The following PTPRS variants were observed in gnomAD, a reference collection of about 807,000 sequenced individuals.
PTPRS encodes protein tyrosine phosphatase receptor type S.
Under a neutral mutation model 215.3 loss-of-function variants are expected in PTPRS, and 63 were observed. The ratio of observed to expected loss-of-function variants is 0.29; its 90% CI spans 0.24 to 0.36. The LOEUF is 0.36. Ranked by LOEUF, PTPRS falls within the 10% of genes least tolerant of loss-of-function variation. The pLI, the probability that PTPRS is intolerant of heterozygous loss-of-function variation, is 1.00. For synonymous variants in PTPRS, 1,404 were observed against 1,191.4 expected (o/e 1.18, Z -3.68); for missense variants, 2,258 against 2,825.8 (o/e 0.80, Z 4.56).
chr19:5,222,379 C>CCTGCCCTGTCCTGGCCCGGCA (rs1568402371), intron 18 of PTPRS, among the ~76,000 whole-genome samples, 159 bp from the exon 19 acceptor site: 1 of 151,624 alleles, frequency 6.6e-6, no homozygotes, highest in African/African-American at 2.4e-5. Flanking sequence ...CTGGCCCGGC[C>CCTGCCCTGTCCTGGCCCGGCA]CTGCCCTGTC....
At chr19:5,273,689 T>C (rs879885396) in intron 3 of PTPRS, 106 bp from the exon 4 acceptor site, 3 of 1,348,092 alleles carry the variant, frequency 2.2e-6, no homozygotes, top group African/African-American at 1.4e-5. Flanking sequence ...GTCAGCCCCA[T>C]GATCCTGGGG....
chr19:5,229,008 G>A (rs1373844769), intron 16 of PTPRS, among the ~76,000 whole-genome samples: 3 of 152,228 alleles, frequency 2.0e-5, no homozygotes, highest in African/African-American at 7.2e-5. Context: ...GGACCCAGGA[G>A]GCTTAAGCCC....
intron 1 of PTPRS, among the ~76,000 whole-genome samples, chr19:5,299,871 G>GAAATA (rs1276102300): frequency 6.6e-6 from 1 of 151,408 alleles, no homozygotes; most frequent in East Asian, 1.9e-4. Flanking sequence ...ACTCTGCTTC[G>GAAATA]AAATAAAATA....
At chr19:5,313,348 G>A (rs2049769346) in intron 1 of PTPRS, among the ~76,000 whole-genome samples, 1 of 152,258 alleles carries the variant, frequency 6.6e-6, no homozygotes, top group African/African-American at 2.4e-5. Context: ...TACCCAGGAG[G>A]AGATGGTGAG....
intron 4 of PTPRS, among the ~76,000 whole-genome samples, chr19:5,267,153 T>C (rs971765111): frequency 6.6e-6 from 1 of 151,622 alleles, no homozygotes; most frequent in Non-Finnish European, 1.5e-5. Context: ...TCGGTATCCC[T>C]CTTGGGTGGT....
At position 5,220,062 on chromosome 19, in the gene PTPRS, A is replaced by G; in HGVS notation, c.3642T>C (p.Ser1214=). The G allele has an allele frequency of 1.2e-6, 2 of 1,614,044 alleles. No homozygotes were observed. Among genetic ancestry groups the G allele is most frequent in the Non-Finnish European group, 1.7e-6 (2 of 1,180,038 alleles). ...CGGGATGGAACGTGGGTGGCAGCAC[A>G]GAGAAGCGAGCTGCAATATAGGGCC... is the stretch of plus-strand genomic sequence containing the variant. ...VPRPYIAARF[S]VLPPTFHPGD... is the part of the protein sequence containing the mutation. Residue 1214 remains serine, a synonymous_variant, in exon 22 of 38, where the codon TCT becomes TCC. Coordinates refer to ENST00000262963, the MANE Select transcript of PTPRS (RefSeq NM_002850.4).
At chr19:5,305,149 ACT>A (rs1276330573) in intron 1 of PTPRS, among the ~76,000 whole-genome samples, 1 of 152,150 alleles carries the variant, frequency 6.6e-6, no homozygotes, top group Non-Finnish European at 1.5e-5. Flanking sequence ...GGAGCAAAAC[ACT>A]CAGAACTGAG....
chr19:5,223,323 G>C (rs2042178446), intron 17 of PTPRS, 26 bp from the exon 18 acceptor site: 1 of 1,438,378 alleles, frequency 7.0e-7, no homozygotes, highest in Non-Finnish European at 9.1e-7. Context: ...GCAGGTGTCA[G>C]GGTCCCAGCG....
In PTPRS at chr19:5,206,060, TAA is replaced by T. The variant is rs545658474; in HGVS notation, c.*712_*713del. Among the ~76,000 whole-genome samples the T allele has an allele frequency of 1.3e-4, 9 of 70,264 alleles. No individual in the cohort carries two copies. The highest frequency in any genetic ancestry group is 4.8e-4 in the South Asian group (1 of 2,098). 46.1% of individuals were successfully genotyped at this position (70,264 alleles called of 152,430 possible). A position where few individuals can be genotyped will look rare whatever the true frequency, so the allele number is the denominator to read the frequency against. ...CACACTTTCTGATGGTAGGAAAAAT[TAA>T]AAAAAAAAAAAAAAAAAAAAAAGCC... is the stretch of plus-strand genomic sequence containing the variant. On this transcript the variant is annotated 3_prime_UTR_variant, in exon 38 of 38. Coordinates refer to ENST00000262963, the MANE Select transcript of PTPRS (RefSeq NM_002850.4).
intron 4 of PTPRS, among the ~76,000 whole-genome samples, chr19:5,272,458 C>T (rs113269739): frequency 0.16 from 24,277 of 151,058 alleles, 2,180 homozygotes; most frequent in Admixed American, 0.25. Flanking sequence ...ATTAGCTGGG[C>T]GTGGTGGCAT....
At position 5,262,961 on chromosome 19, in the gene PTPRS, T is replaced by TA; in HGVS notation, c.577+2dup. 1 of 1,573,220 alleles carries TA rather than the reference T, an allele frequency of 6.4e-7. No homozygotes were observed. Among genetic ancestry groups the TA allele is most frequent in the Non-Finnish European group, 8.6e-7 (1 of 1,158,438 alleles). ...GTTGACGTGGTGATGAAATCAGACTTACCAAAGGTTTCTGAACGTTTACAA... is the reference window on the plus strand; with the variant it reads ...GTTGACGTGGTGATGAAATCAGACTTAACCAAAGGTTTCTGAACGTTTACAA... On this transcript the variant is annotated splice_region_variant and intron_variant, in intron 6 of 37. Transcript: ENST00000262963.
At chr19:5,254,189 C>G (rs1310265678) in intron 9 of PTPRS, among the ~76,000 whole-genome samples, 1 of 152,220 alleles carries the variant, frequency 6.6e-6, no homozygotes, top group Admixed American at 6.5e-5. Flanking sequence ...TGGCACTGCT[C>G]TGAGGGTCAG....
intron 30 of PTPRS, among the ~76,000 whole-genome samples, chr19:5,213,773 G>A (rs975255310): frequency 6.6e-6 from 1 of 152,130 alleles, no homozygotes; most frequent in African/African-American, 2.4e-5. Context: ...TGGGTGTTGG[G>A]GATACATCAC....
At position 5,210,940 on chromosome 19, in the gene PTPRS, G is replaced by T. The variant is rs1041612854; in HGVS notation, c.5235-135C>A. 3.8e-5 allele frequency: 47 copies of T among 1,234,120 alleles called. No individual in the cohort carries two copies. The African/African-American group carries it at 6.7e-4, about 17-fold the overall frequency. 76.4% of individuals were successfully genotyped at this position (1,234,120 alleles called of 1,614,324 possible). ...ACCCCACTGCCTGCCAGGAATGGCT[G>T]CTGGGTGCACCACTTCCCCTCCTGG... On this transcript the variant is annotated intron_variant, in intron 33 of 37. Coordinates refer to ENST00000262963, the MANE Select transcript of PTPRS (RefSeq NM_002850.4). The surrounding 1 kb of genome is among the most constrained non-coding windows in gnomAD (Gnocchi z 4.5).
chr19:5,239,117 C>G (rs1416593316), intron 12 of PTPRS, 54 bp from the exon 13 acceptor site: 76 of 1,238,234 alleles, frequency 6.1e-5, no homozygotes, highest in Admixed American at 2.4e-4. Context: ...GAGAGAGAGA[C>G]AGAAACAAAG....
At chr19:5,301,263 CT>C (rs1216635331) in intron 1 of PTPRS, among the ~76,000 whole-genome samples, 1 of 102,760 alleles carries the variant, frequency 9.7e-6, no homozygotes, top group Non-Finnish European at 1.8e-5. Flanking sequence ...GCCTGGGCCC[CT>C]GCCAGGCCGT....
intron 1 of PTPRS, among the ~76,000 whole-genome samples, chr19:5,311,050 T>A (rs1399325401): frequency 6.6e-6 from 1 of 152,190 alleles, no homozygotes; most frequent in Non-Finnish European, 1.5e-5. Flanking sequence ...CAGCTAATTT[T>A]TTTTATTTAA....
intron 9 of PTPRS, among the ~76,000 whole-genome samples, chr19:5,253,480 T>C (rs960076323): frequency 7.2e-5 from 11 of 152,228 alleles, no homozygotes; most frequent in African/African-American, 2.4e-4. Flanking sequence ...CTGGTACTTA[T>C]CTGCAAGGGT....
chr19:5,231,422 G>A lies in PTPRS; in HGVS notation c.2043C>T (p.Ile681=). The change falls in exon 14 of 38, where the codon ATC becomes ATT. Residue 681 remains isoleucine (I), a synonymous_variant. Transcript: ENST00000262963. ...TCCACTTCTCCAAGGCCTCCAGCAG[G>A]ATCTGAGTGGTGGTCGGGGGGATGC... ...VNGIPPTTTQ[I]LLEALEKWTQ... The A allele has an allele frequency of 6.2e-7, 1 of 1,613,208 alleles. No individual in the cohort carries two copies. Among genetic ancestry groups the A allele is most frequent in the South Asian group, 1.1e-5 (1 of 91,064 alleles).
Sources: gnomAD v4.1 joint callset for allele counts (sites outside exome capture counted in the v4.1 genomes callset) on GRCh38, gnomAD v4.1.1 for gene constraint, Gnocchi (gnomAD v3.1) non-coding constraint, MANE v1.5 for transcripts, NCBI Gene and HGNC (gene_info 2026-07-23, HGNC 2026-07-21) for gene names.